The following CPNE4 variants were observed in gnomAD, a reference collection of about 807,000 sequenced individuals.
CPNE4 encodes copine 4.
In CPNE4, 25 loss-of-function variants were observed where a neutral mutation model predicts 67.9. The ratio of observed to expected loss-of-function variants is 0.37; its 90% CI spans 0.27 to 0.51. The LOEUF (loss-of-function observed/expected upper bound fraction) is 0.51. Among genes scored for constraint, CPNE4 ranks in the 20% least tolerant of loss-of-function variants. The pLI is 0.93. For missense variants in CPNE4, 464 were observed against 690.8 expected (o/e 0.67, Z 3.68); for synonymous variants, 242 against 244.9 (o/e 0.99, Z 0.11).
At chr3:131,811,806 T>C (rs1241592139) in intron 2 of CPNE4, among the ~76,000 whole-genome samples, 1 of 151,952 alleles carries the variant, frequency 6.6e-6, no homozygotes, top group Non-Finnish European at 1.5e-5. Context: ...TGTTAAGGAG[T>C]TGAAATATTA....
chr3:131,809,760 C>A (rs1457817077), intron 2 of CPNE4, among the ~76,000 whole-genome samples: 1 of 151,950 alleles, frequency 6.6e-6, no homozygotes, highest in Non-Finnish European at 1.5e-5. Context: ...TAGAGATTTG[C>A]AAATGTAACA....
intron 7 of CPNE4, among the ~76,000 whole-genome samples, chr3:131,635,163 A>C (rs2079342940): frequency 6.6e-6 from 1 of 152,166 alleles, no homozygotes; most frequent in South Asian, 2.1e-4. Flanking sequence ...TCCCACTTAA[A>C]ATAGATTTCT....
At position 131,995,196 on chromosome 3, in the gene CPNE4, ACACACACTCT is replaced by A. The variant is rs1265638701; in HGVS notation, c.-2+39361_-2+39370del. On this transcript the variant is annotated intron_variant, in intron 1 of 15. Transcript: ENST00000429747. The stretch of plus-strand genomic sequence containing the variant: ...CAAATCAGAATTCACACACACAAAC[ACACACACTCT>A]CACACACTCACACACCTGTTCATTT... Among the ~76,000 whole-genome samples the A allele has an allele frequency of 3.3e-5, 5 of 152,300 alleles. No homozygotes were observed. The East Asian group carries it at 5.8e-4, about 18-fold the overall frequency.
chr3:131,763,458 T>G (rs2082938537), intron 2 of CPNE4, among the ~76,000 whole-genome samples: 1 of 152,168 alleles, frequency 6.6e-6, no homozygotes, highest in Non-Finnish European at 1.5e-5. Context: ...TAGTCCTCAA[T>G]GCAATATTAC....
chr3:131,793,233 C>T (rs2083827499), intron 2 of CPNE4, among the ~76,000 whole-genome samples: 1 of 151,882 alleles, frequency 6.6e-6, no homozygotes, highest in Non-Finnish European at 1.5e-5. Flanking sequence ...TGCCTACTCA[C>T]AGTTTTCCTC....
chr3:131,858,828 A>C (rs536720580), intron 2 of CPNE4, among the ~76,000 whole-genome samples: 1 of 152,276 alleles, frequency 6.6e-6, no homozygotes, highest in East Asian at 1.9e-4. Context: ...CAAAATTGCA[A>C]TTTGACATCA....
Position 132,034,783 on chromosome 3 carries a change from C to G in CPNE4, c.-218G>C, listed in dbSNP as rs955491646. ...TGCTGAGAGCAGAGTTCGGTCTCTC[C>G]GGAAACCCTGACTCCATTCTCGGTG... On this transcript the variant is annotated 5_prime_UTR_variant, in exon 1 of 16. Transcript: ENST00000429747. 1.0e-6 allele frequency: 1 copy of G among 984,394 alleles called. No homozygotes were observed. Among genetic ancestry groups the G allele is most frequent in the African/African-American group, 1.8e-5 (1 of 56,822 alleles). 61.0% of individuals were successfully genotyped at this position (984,394 alleles called of 1,614,324 possible).
At chr3:131,571,778 G>A (rs564857167) in intron 10 of CPNE4, among the ~76,000 whole-genome samples, 4 of 151,948 alleles carry the variant, frequency 2.6e-5, no homozygotes, top group South Asian at 2.1e-4. Context: ...CAAGGCCCTC[G>A]TCAATATCCT....
At chr3:131,965,231 A>T (rs1336677210) in intron 1 of CPNE4, among the ~76,000 whole-genome samples, 1 of 152,250 alleles carries the variant, frequency 6.6e-6, no homozygotes, top group Non-Finnish European at 1.5e-5. Context: ...GAAGCACTAA[A>T]TATGGAAAAG....
intron 1 of CPNE4, among the ~76,000 whole-genome samples, chr3:131,927,264 TTG>T (rs2070922508): frequency 6.6e-6 from 1 of 152,198 alleles, no homozygotes; most frequent in South Asian, 2.1e-4. Context: ...CATCAAAGTC[TTG>T]TGTGTTTCCA....
At chr3:131,965,946 T>C (rs761962155) in intron 1 of CPNE4, among the ~76,000 whole-genome samples, 3 of 152,164 alleles carry the variant, frequency 2.0e-5, no homozygotes, top group Non-Finnish European at 4.4e-5. Flanking sequence ...ATCACACTTA[T>C]TCTAAAATTG....
intron 1 of CPNE4, among the ~76,000 whole-genome samples, chr3:132,030,598 C>T (rs1298660729): frequency 2.0e-5 from 3 of 152,178 alleles, no homozygotes; most frequent in Non-Finnish European, 4.4e-5. Context: ...TTGAGACTTG[C>T]CTTCCAACCC....
chr3:131,617,325 T>A (rs1412476775), intron 7 of CPNE4, among the ~76,000 whole-genome samples: 1 of 152,214 alleles, frequency 6.6e-6, no homozygotes, highest in Non-Finnish European at 1.5e-5. Context: ...AAAAAATTCA[T>A]CTTACTGACT....
chr3:131,768,194 A>G (rs1294663519), intron 2 of CPNE4, among the ~76,000 whole-genome samples: 2 of 152,094 alleles, frequency 1.3e-5, no homozygotes, highest in African/African-American at 4.8e-5. Context: ...CTCATTCTAG[A>G]GCTGGTCGTG....
chr3:131,767,601 C>A (rs1308242266), intron 2 of CPNE4, among the ~76,000 whole-genome samples: 1 of 151,916 alleles, frequency 6.6e-6, no homozygotes. Flanking sequence ...CTTCATCATA[C>A]CTGAAAGGAA....
At chr3:131,923,252 C>A (rs899505874) in intron 1 of CPNE4, among the ~76,000 whole-genome samples, 3 of 152,122 alleles carry the variant, frequency 2.0e-5, no homozygotes, top group African/African-American at 7.2e-5. Flanking sequence ...GAAACAGAGG[C>A]AAAAATGTGT....
intron 2 of CPNE4, among the ~76,000 whole-genome samples, chr3:131,799,919 T>TGTGTGTGTTGTGTGTGTGTGTGTGTG (rs144238304): frequency 1.4e-5 from 2 of 145,582 alleles, no homozygotes; most frequent in African/African-American, 2.6e-5. Flanking sequence ...TGTGTGTGTG[T>TGTGTGTGTTGTGTGTGTGTGTGTGTG]TGTGTGTGTG....
chr3:131,982,941 T>C (rs1196825752), intron 1 of CPNE4, among the ~76,000 whole-genome samples: 1 of 152,028 alleles, frequency 6.6e-6, no homozygotes, highest in Non-Finnish European at 1.5e-5. Context: ...TAGATAACAT[T>C]GACATGAGCA....
chr3:131,675,748 C>T (rs987978390), intron 6 of CPNE4, among the ~76,000 whole-genome samples: 13 of 130,630 alleles, frequency 1.0e-4, no homozygotes, highest in South Asian at 5.2e-4. Context: ...TTGTTTTTAT[C>T]CATTCGGCAA....
Sources: allele counts gnomAD v4.1 joint callset (sites outside exome capture counted in the v4.1 genomes callset), GRCh38; gene constraint gnomAD v4.1.1; transcripts MANE v1.5; gene names NCBI Gene and HGNC (gene_info 2026-07-23, HGNC 2026-07-21).